STXBP5L: variants seen among roughly 807,000 people sequenced by gnomAD.
STXBP5L encodes syntaxin-binding protein 5-like.
In STXBP5L, 65 loss-of-function variants were observed where a neutral mutation model predicts 144.5. That is an observed-to-expected ratio of 0.45 (90% CI 0.37 to 0.55). STXBP5L has a LOEUF of 0.55. Ranked by LOEUF, STXBP5L falls within the 20% of genes least tolerant of loss-of-function variation. The probability of loss-of-function intolerance (pLI) is 0.00; values close to 1 mark genes in which losing one functional copy is unlikely to be tolerated. For missense variants in STXBP5L, 1,298 were observed against 1,405.5 expected, an observed-to-expected ratio of 0.92 and a Z score of 1.22; for synonymous variants, 505 against 469.6, an observed-to-expected ratio of 1.08 and a Z score of -0.97.
chr3:121,015,722 C>G (rs185459749), intron 3 of STXBP5L, among the ~76,000 whole-genome samples: 18 of 152,132 alleles, frequency 1.2e-4, no homozygotes, highest in Admixed American at 1.0e-3. Flanking sequence ...TTCTCCCTAA[C>G]AAAAAAGTAT....
At chr3:121,213,875 C>T (rs560443558) in intron 10 of STXBP5L, among the ~76,000 whole-genome samples, 4 of 152,252 alleles carry the variant, frequency 2.6e-5, no homozygotes, top group African/African-American at 9.6e-5. Context: ...CTATTAATTA[C>T]TGCCTCAATT....
Position 121,239,409 on chromosome 3 carries a change from T to C in STXBP5L, c.1332+291T>C, listed in dbSNP as rs565880590. On this transcript the variant is annotated intron_variant, in intron 13 of 26. Transcript: ENST00000471454. ...TACTAAGTATGTACTTATACTAATA[T>C]ATATTTGAGTCATAAGATGTAACCT... Among the ~76,000 whole-genome samples the C allele has an allele frequency of 6.0e-5, 9 of 150,844 alleles. No homozygotes were observed. The South Asian group carries it at 1.5e-3, about 25-fold the overall frequency.
intron 2 of STXBP5L, among the ~76,000 whole-genome samples, chr3:120,932,387 C>T (rs1285464879): frequency 1.3e-5 from 2 of 152,272 alleles, no homozygotes; most frequent in African/African-American, 4.8e-5. Context: ...ATATAATAGT[C>T]TAGCAGGCAG....
chr3:121,122,685 G>T (rs1319374953), intron 7 of STXBP5L, among the ~76,000 whole-genome samples: 1 of 151,436 alleles, frequency 6.6e-6, no homozygotes, highest in East Asian at 1.9e-4. Context: ...TAAGACCTCT[G>T]CCTCATAGAT....
intron 2 of STXBP5L, among the ~76,000 whole-genome samples, chr3:120,910,949 T>C (rs1708803756): frequency 6.6e-6 from 1 of 152,088 alleles, no homozygotes; most frequent in Admixed American, 6.5e-5. Flanking sequence ...TTCTGTTCGA[T>C]GAGGGAAGGT....
chr3:121,226,440 T>C (rs183649532), intron 11 of STXBP5L, among the ~76,000 whole-genome samples: 164 of 152,292 alleles, frequency 1.1e-3, no homozygotes, highest in African/African-American at 3.7e-3. Flanking sequence ...ACTATTTTCA[T>C]TGTGGCTTTT....
At chr3:121,378,059 T>C (rs1423018907) in intron 20 of STXBP5L, among the ~76,000 whole-genome samples, 1 of 151,400 alleles carries the variant, frequency 6.6e-6, no homozygotes, top group Non-Finnish European at 1.5e-5. Flanking sequence ...CTCAGCAAAC[T>C]AACACAGGAA....
intron 3 of STXBP5L, among the ~76,000 whole-genome samples, chr3:121,012,692 A>C (rs960156157): frequency 2.0e-5 from 3 of 151,642 alleles, no homozygotes; most frequent in Admixed American, 1.3e-4. Flanking sequence ...TGTTATTATT[A>C]TTCTTAGATT....
chr3:120,912,596 C>A (rs1708900805), intron 2 of STXBP5L, among the ~76,000 whole-genome samples: 1 of 148,098 alleles, frequency 6.8e-6, no homozygotes, highest in Admixed American at 6.8e-5. Flanking sequence ...ATAGAAATGG[C>A]AGAAGAAACT....
At chr3:121,263,462 A>T (rs1325767413) in intron 18 of STXBP5L, among the ~76,000 whole-genome samples, 1 of 152,182 alleles carries the variant, frequency 6.6e-6, no homozygotes, top group Non-Finnish European at 1.5e-5. Flanking sequence ...AACTGAATGG[A>T]GAATGAGTTT....
chr3:120,988,015 G>C (rs1942469926), intron 3 of STXBP5L, among the ~76,000 whole-genome samples: 1 of 149,776 alleles, frequency 6.7e-6, no homozygotes, highest in Admixed American at 6.7e-5. Context: ...CTTCATCTTG[G>C]TTTAGTTTTT....
intron 3 of STXBP5L, among the ~76,000 whole-genome samples, chr3:120,961,573 T>C (rs1364217225): frequency 6.6e-6 from 1 of 152,222 alleles, no homozygotes; most frequent in African/African-American, 2.4e-5. Context: ...GGTTTCCAGC[T>C]TCATCCATGT....
chr3:120,994,899 G>T (rs895989965), intron 3 of STXBP5L, among the ~76,000 whole-genome samples: 2 of 152,036 alleles, frequency 1.3e-5, no homozygotes, highest in Admixed American at 1.3e-4. Context: ...AAGCCATTGG[G>T]TCCTGGGCTT....
intron 5 of STXBP5L, among the ~76,000 whole-genome samples, chr3:121,064,897 TC>T (rs2041470173): frequency 6.6e-6 from 1 of 152,194 alleles, no homozygotes; most frequent in Non-Finnish European, 1.5e-5. Context: ...TAGTTTGCCT[TC>T]CTCCGTCTTC....
chr3:121,253,689 C>T (rs2108370349), intron 15 of STXBP5L, among the ~76,000 whole-genome samples: 1 of 149,850 alleles, frequency 6.7e-6, no homozygotes, highest in Middle Eastern at 3.5e-3. Flanking sequence ...AGTGCAGTGG[C>T]GCAGTCTCGG....
chr3:120,912,239 A>G (rs1047802773), intron 2 of STXBP5L, among the ~76,000 whole-genome samples: 8 of 152,014 alleles, frequency 5.3e-5, no homozygotes, highest in Non-Finnish European at 2.9e-5. Context: ...TTTTGTTACA[A>G]TAATGGCTAT....
At chr3:121,204,632 TACATA>T (rs2048266357) in intron 9 of STXBP5L, among the ~76,000 whole-genome samples, 2 of 151,746 alleles carry the variant, frequency 1.3e-5, no homozygotes, top group Non-Finnish European at 2.9e-5. Context: ...AACAATGTAT[TACATA>T]GGTATCTATG....
chr3:121,295,291 G>C (rs573362233), intron 19 of STXBP5L, among the ~76,000 whole-genome samples: 2 of 152,038 alleles, frequency 1.3e-5, no homozygotes, highest in Non-Finnish European at 2.9e-5. Context: ...TTGTCTATTA[G>C]TATAGACAGA....
intron 20 of STXBP5L, among the ~76,000 whole-genome samples, chr3:121,349,988 T>A (rs2045201704): frequency 6.6e-6 from 1 of 152,150 alleles, no homozygotes; most frequent in Non-Finnish European, 1.5e-5. Flanking sequence ...TGTGTGAATT[T>A]GATCCTGTCA....
Sources: allele counts gnomAD v4.1 joint callset (sites outside exome capture counted in the v4.1 genomes callset), GRCh38; gene constraint gnomAD v4.1.1; transcripts MANE v1.5; gene names NCBI Gene and HGNC (gene_info 2026-07-23, HGNC 2026-07-21).